Variants in CTDP1 observed in about 807,000 individuals in gnomAD.
The protein encoded by CTDP1 is RNA polymerase II subunit A C-terminal domain phosphatase.
Under a neutral mutation model 91.8 loss-of-function variants are expected in CTDP1, and 47 were observed. The ratio of observed to expected loss-of-function variants is 0.51; its 90% CI spans 0.41 to 0.65. The LOEUF is 0.65. Ranked by LOEUF, CTDP1 falls within the 30% of genes least tolerant of loss-of-function variation. CTDP1 has a pLI of 0.00. For missense variants in CTDP1, 1,272 were observed against 1,373.7 expected, an observed-to-expected ratio of 0.93 and a Z score of 1.17; for synonymous variants, 656 against 598.5, an observed-to-expected ratio of 1.10 and a Z score of -1.40.
rs552103826 is a variant in CTDP1 at position 79,753,593 on chromosome 18, G to A, written c.2748-59G>A. 86 of 1,613,346 alleles carry A rather than the reference G, an allele frequency of 5.3e-5. 1 individual carries two copies. The South Asian group carries it at 6.8e-4, about 13-fold the overall frequency. ...GCCACTTCCCAAATGCAGACCAGGCGGTGACCCGGCGTTGTGCGTTTGCCA... is the reference window on the plus strand; with the variant it reads ...GCCACTTCCCAAATGCAGACCAGGCAGTGACCCGGCGTTGTGCGTTTGCCA... On this transcript the variant is annotated intron_variant, in intron 12 of 12. Transcript: ENST00000613122.
At chr18:79,754,676 T>G (rs1345986194), downstream of CTDP1, 1 of 152,268 alleles carries the variant, frequency 6.6e-6, no homozygotes, top group East Asian at 1.9e-4. Context: ...GTTTCGCCTC[T>G]GAGCATAAGA....
rs142697105 is a variant in CTDP1, at chr18:79,747,004, G to A, written c.2748-6648G>A. On this transcript the variant is annotated intron_variant, in intron 12 of 12. Coordinates refer to ENST00000613122, the MANE Select transcript of CTDP1 (RefSeq NM_004715.5). ...AGGCTCCTGGTCGCGTGACTTGACC[G>A]TGTGCTGCCAGCCACTCTGGTGCCT... 1.6e-3 allele frequency among the ~76,000 whole-genome samples: 239 copies of A among 152,316 alleles called. 2 individuals are homozygous for A. The highest frequency in any genetic ancestry group is 5.2e-3 in the African/African-American group (218 of 41,562).
At chr18:79,725,153 C>T (rs2086419947) in intron 10 of CTDP1, among the ~76,000 whole-genome samples, 1 of 152,132 alleles carries the variant, frequency 6.6e-6, no homozygotes. Flanking sequence ...GAAACAATTC[C>T]CGTTGGTTGT....
chr18:79,680,702 T>G (rs1290896881), intron 1 of CTDP1: 2 of 154,476 alleles, frequency 1.3e-5, no homozygotes, highest in Admixed American at 6.5e-5. Flanking sequence ...AACGCAGTTG[T>G]AAAACCTGGT....
rs867741360 is a variant in CTDP1, at chr18:79,708,602, T to G, written c.773-1744T>G. On this transcript the variant is annotated intron_variant, in intron 5 of 12. Transcript: ENST00000613122. ...CAGTGAGACTTAAGTCTTGAGAGAA[T>G]GTGGGCTGCGTGGTTGGACTTTGGG... 2.0e-5 allele frequency among the ~76,000 whole-genome samples: 3 copies of G among 152,212 alleles called. No homozygotes were observed. In the East Asian group the frequency reaches 5.8e-4, roughly 29 times the overall value.
At chr18:79,743,526 C>CAAAAA (rs34957550) in intron 12 of CTDP1, among the ~76,000 whole-genome samples, 18 of 109,866 alleles carry the variant, frequency 1.6e-4, no homozygotes, top group African/African-American at 6.4e-4. Context: ...ACTCCGTCTC[C>CAAAAA]AAAAAAAAAA....
intron 10 of CTDP1, 38 bp downstream of exon 10, chr18:79,718,054 G>C (rs774347624): frequency 8.1e-5 from 131 of 1,607,546 alleles, no homozygotes; most frequent in Non-Finnish European, 1.1e-4. Context: ...AGCTAATGAG[G>C]GCTCTTCAAG....
At chr18:79,738,046 G>GC (rs368330620) in intron 12 of CTDP1, among the ~76,000 whole-genome samples, 12,276 of 32,544 alleles carry the variant, frequency 0.38, 849 homozygotes, top group African/African-American at 0.48. Context: ...CCTGCTCACC[G>GC]CCCCCGGGAG....
chr18:79,685,315 TC>T (rs2085472358), intron 1 of CTDP1: 1 of 152,260 alleles, frequency 6.6e-6, no homozygotes. Context: ...GTCTTTTTTT[TC>T]CTGCAGATTT....
Position 79,754,480 on chromosome 18 carries a change from C to G in CTDP1, c.*690C>G, listed in dbSNP as rs776432170. 4 of 152,752 alleles carry G rather than the reference C, an allele frequency of 2.6e-5. No individual in the cohort carries two copies. Among genetic ancestry groups the G allele is most frequent in the Non-Finnish European group, 4.4e-5 (3 of 68,140 alleles). The allele number at this position is 152,752 out of a possible 1,614,324, so 9.5% of individuals were successfully genotyped here. Reference sequence around the variant, plus strand: ...TATCTGACCCACCAAACAGATTTCTCTTTAATAAAAATCCTTTTTGTAAGT... The same window carrying G: ...TATCTGACCCACCAAACAGATTTCTGTTTAATAAAAATCCTTTTTGTAAGT... On this transcript the variant is annotated 3_prime_UTR_variant, in exon 13 of 13. Transcript: ENST00000613122.
At chr18:79,711,593 G>A (rs1415219031) in intron 6 of CTDP1, among the ~76,000 whole-genome samples, 1 of 152,232 alleles carries the variant, frequency 6.6e-6, no homozygotes, top group Non-Finnish European at 1.5e-5. Flanking sequence ...TTTAGCGGCA[G>A]TTCTTGACAT....
At chr18:79,682,704 G>C (rs929203682) in intron 1 of CTDP1, among the ~76,000 whole-genome samples, 3 of 152,194 alleles carry the variant, frequency 2.0e-5, no homozygotes, top group African/African-American at 7.2e-5. Flanking sequence ...TCTCCAGGTT[G>C]ACTGCGGGAC....
chr18:79,753,837 A>C lies in CTDP1; in HGVS notation c.*47A>C. 1 of 1,599,086 alleles carries C rather than the reference A, an allele frequency of 6.3e-7. No individual in the cohort carries two copies. The highest frequency in any genetic ancestry group is 2.3e-5 in the East Asian group (1 of 44,186). ...TGAAGCCTGACCGACCTCCAGCAGC[A>C]CTCGGACGTCCCCGGACCAGCCCTC... On this transcript the variant is annotated 3_prime_UTR_variant, in exon 13 of 13. Transcript: ENST00000613122.
rs115803470 is a variant in CTDP1 at position 79,729,324 on chromosome 18, G to A, written c.2580+255G>A. On this transcript the variant is annotated intron_variant, in intron 11 of 12. Transcript: ENST00000613122. ...ACGTGGAAGTTGTGGCTTAGGATTC[G>A]TGCCTGCGTCTTCACCAGGACCGAT... Among the ~76,000 whole-genome samples the A allele has an allele frequency of 0.022, 3,286 of 152,304 alleles. 119 individuals carry two copies. Among genetic ancestry groups the A allele is most frequent in the African/African-American group, 0.075 (3,099 of 41,544 alleles).
intron 4 of CTDP1, among the ~76,000 whole-genome samples, chr18:79,701,991 G>C (rs2085869322): frequency 6.6e-6 from 1 of 152,234 alleles, no homozygotes. Context: ...ATCTGCTCCT[G>C]GAGAAGATGC....
intron 12 of CTDP1, among the ~76,000 whole-genome samples, chr18:79,738,669 T>C (rs1470772279): frequency 1.3e-5 from 2 of 152,210 alleles, no homozygotes; most frequent in South Asian, 4.1e-4. Flanking sequence ...GTTACAAAAT[T>C]GGGCCAGAAA....
chr18:79,720,452 C>T (rs1214418807), intron 10 of CTDP1, among the ~76,000 whole-genome samples: 1 of 146,228 alleles, frequency 6.8e-6, no homozygotes, highest in East Asian at 2.2e-4. Context: ...CCTGGTGATG[C>T]TGTCACCTCC....
At chr18:79,755,812 C>G (rs2087085175), downstream of CTDP1, 1 of 152,578 alleles carries the variant, frequency 6.6e-6, no homozygotes, top group Non-Finnish European at 1.5e-5. Context: ...ACGGGGACCT[C>G]TGCTGCTGGG....
intron 1 of CTDP1, among the ~76,000 whole-genome samples, chr18:79,686,578 C>G (rs999325158): frequency 1.3e-5 from 2 of 152,232 alleles, no homozygotes; most frequent in African/African-American, 4.8e-5. Context: ...TTAAGAGGAA[C>G]TTGAGCTAAA....
Sources: allele counts gnomAD v4.1 joint callset (sites outside exome capture counted in the v4.1 genomes callset), GRCh38; gene constraint gnomAD v4.1.1; transcripts MANE v1.5; gene names NCBI Gene and HGNC (gene_info 2026-07-23, HGNC 2026-07-21).